The following PAX9 variants were observed in gnomAD, a reference collection of about 807,000 sequenced individuals.
PAX9 encodes the protein paired box 9, also known as paired box protein Pax-9.
Under a neutral mutation model 29.1 loss-of-function variants are expected in PAX9, and 6 were observed. The ratio of observed to expected loss-of-function variants is 0.21; its 90% CI spans 0.11 to 0.41. PAX9 has a LOEUF of 0.41. Among genes scored for constraint, PAX9 ranks in the 10% least tolerant of loss-of-function variants. The pLI is 1.00. For synonymous variants in PAX9, 217 were observed against 211.7 expected, an observed-to-expected ratio of 1.03 and a Z score of -0.22; for missense variants, 443 against 479.1, an observed-to-expected ratio of 0.92 and a Z score of 0.70.
At chr14:36,665,849 A>C (rs1881467852) in intron 2 of PAX9, 1 of 153,160 alleles carries the variant, frequency 6.5e-6, no homozygotes, top group African/African-American at 2.4e-5. Flanking sequence ...GGGGAGCCCT[A>C]TGCACACACA....
In PAX9 at chr14:36,663,262, A is replaced by G. The variant is rs768500570; in HGVS notation, c.370A>G (p.Ser124Gly). 6.2e-7 allele frequency: 1 copy of G among 1,614,138 alleles called. No homozygotes were observed. The highest frequency in any genetic ancestry group is 1.1e-5 in the South Asian group (1 of 91,084). Reference protein sequence around the residue: ...KYNVPSVSSISRILRNKIGNL... With the variant: ...KYNVPSVSSIGRILRNKIGNL... The stretch of plus-strand genomic sequence containing the variant: ...CAATGTGCCCTCCGTGAGCTCCATC[A>G]GCCGCATTCTGCGCAACAAGATCGG... Residue 124 changes from serine (S) to glycine (G), a missense_variant, in exon 2 of 4, where the codon AGC (serine) becomes GGC (glycine). By Grantham distance (56) the Ser-to-Gly change is moderately conservative. Coordinates refer to ENST00000361487, the MANE Select transcript of PAX9 (RefSeq NM_001372076.1).
In PAX9 at chr14:36,676,511, C is replaced by A. The variant is rs547367884; in HGVS notation, c.*59C>A. On this transcript the variant is annotated 3_prime_UTR_variant, in exon 4 of 4. Transcript: ENST00000361487. ...TCTCCCTGTCTCAGCACCTCCTCCC[C>A]CAATTCCCAGGTCTCACATCCCACC... 6.9e-6 allele frequency: 11 copies of A among 1,593,954 alleles called. No homozygotes were observed. Among genetic ancestry groups the A allele is most frequent in the South Asian group, 1.1e-5 (1 of 90,100 alleles).
chr14:36,674,511 A>G (rs948007904), intron 3 of PAX9, among the ~76,000 whole-genome samples: 2 of 152,230 alleles, frequency 1.3e-5, no homozygotes, highest in Admixed American at 1.3e-4. Flanking sequence ...TATGTGCGGT[A>G]GTTTCTTGAT....
chr14:36,663,420 A>G lies in PAX9; in HGVS notation c.528A>G (p.Pro176=). 1 of 1,612,756 alleles carries G rather than the reference A, an allele frequency of 6.2e-7. No individual in the cohort carries two copies. Among genetic ancestry groups the G allele is most frequent in the Non-Finnish European group, 8.5e-7 (1 of 1,179,680 alleles). ...ITAAAAKVPT[P]PGVPAIPGSV... ...CGGCGGCCGCCAAGGTGCCCACGCC[A>G]CCCGGGGTGCCTGCCATCCCCGGTT... Residue 176 remains proline (P), a synonymous_variant, in exon 2 of 4, where the codon CCA becomes CCG. Transcript: ENST00000361487.
At chr14:36,661,824 C>T, upstream of PAX9, 1 of 559,888 alleles carries the variant, frequency 1.8e-6, no homozygotes, top group East Asian at 3.2e-5. Flanking sequence ...GGGCGTGTCC[C>T]CAGTGAGTGA....
chr14:36,659,640 C>G (rs1330803276), upstream of PAX9, among the ~76,000 whole-genome samples: 1 of 152,224 alleles, frequency 6.6e-6, no homozygotes, highest in Non-Finnish European at 1.5e-5. Flanking sequence ...AGGCCCCCTG[C>G]CCACTGAGTT....
chr14:36,673,678 A>G (rs951183285), intron 3 of PAX9, among the ~76,000 whole-genome samples: 7 of 152,328 alleles, frequency 4.6e-5, no homozygotes, highest in African/African-American at 1.7e-4. Flanking sequence ...AGAGAACTGT[A>G]ATTTTGAATG....
chr14:36,678,583 T>G lies in PAX9; in HGVS notation c.*2131T>G. ...ACCATACCATACAGGGACTCTCCTG[T>G]CATCTGAAAAACTGATGTAAGGTAC... is the stretch of plus-strand genomic sequence containing the variant. On this transcript the variant is annotated 3_prime_UTR_variant, in exon 4 of 4. Transcript: ENST00000361487. 1 of 1,515,602 alleles carries G rather than the reference T, an allele frequency of 6.6e-7. No individual in the cohort carries two copies. Among genetic ancestry groups the G allele is most frequent in the Non-Finnish European group, 8.8e-7 (1 of 1,136,876 alleles). The allele number at this position is 1,515,602 out of a possible 1,614,324, so 93.9% of individuals were successfully genotyped here. A position where few individuals can be genotyped will look rare whatever the true frequency, so the allele number is the denominator to read the frequency against.
At chr14:36,662,697 A>G in intron 1 of PAX9, 200 bp from the exon 2 acceptor site, 1 of 636,460 alleles carries the variant, frequency 1.6e-6, no homozygotes, top group Non-Finnish European at 2.7e-6. Flanking sequence ...GGCAGGAATG[A>G]GGGAGGGGGT....
chr14:36,663,667 G>C, intron 2 of PAX9, 144 bp downstream of exon 2: 2 of 1,043,158 alleles, frequency 1.9e-6, no homozygotes, highest in Non-Finnish European at 2.8e-6. Context: ...GTCTTCCTAG[G>C]GGGTGTTCTG....
rs776619661 is a variant in PAX9 at position 36,663,117 on chromosome 14, G to A, written c.225G>A (p.Lys75=). 2 of 1,613,986 alleles carry A rather than the reference G, an allele frequency of 1.2e-6. No individual in the cohort carries two copies. The highest frequency in any genetic ancestry group is 2.2e-5 in the South Asian group (2 of 91,084). ...SILPGAIGGS[K]PRVTTPTVVK... is the part of the protein sequence containing the mutation. ...TGCCAGGAGCCATCGGGGGCAGCAA[G>A]CCCCGGGTCACTACCCCCACCGTGG... Residue 75 remains lysine (K), a synonymous_variant, in exon 2 of 4, where the codon AAG becomes AAA. Transcript: ENST00000361487.
At chr14:36,664,247 G>C (rs1481896054) in intron 2 of PAX9, among the ~76,000 whole-genome samples, 2 of 152,120 alleles carry the variant, frequency 1.3e-5, no homozygotes, top group Non-Finnish European at 2.9e-5. Context: ...TATATCTTAG[G>C]AAGGGAAGTG....
At position 36,678,378 on chromosome 14, in the gene PAX9, G is replaced by C. The variant is rs1882008292; in HGVS notation, c.*1926G>C. ...ACCGAAATTCAGTGCTACAAATAGAGGATTATAACTTCAGGAGAAGAATAA... is the reference window on the plus strand; with the variant it reads ...ACCGAAATTCAGTGCTACAAATAGACGATTATAACTTCAGGAGAAGAATAA... On this transcript the variant is annotated 3_prime_UTR_variant, in exon 4 of 4. Transcript: ENST00000361487. 1.0e-6 allele frequency: 1 copy of C among 985,668 alleles called. No homozygotes were observed. The highest frequency in any genetic ancestry group is 1.6e-5 in the African/African-American group (1 of 61,830). The allele number at this position is 985,668 out of a possible 1,614,324, so 61.1% of individuals were successfully genotyped here.
chr14:36,676,716 T>C lies in PAX9; in HGVS notation c.*264T>C. The C allele has an allele frequency of 2.0e-6, 1 of 512,770 alleles. No individual in the cohort carries two copies. The highest frequency in any genetic ancestry group is 3.5e-6 in the Non-Finnish European group (1 of 282,640). The allele number at this position is 512,770 out of a possible 1,614,324, so 31.8% of individuals were successfully genotyped here. A position where few individuals can be genotyped will look rare whatever the true frequency, so the allele number is the denominator to read the frequency against. Reference sequence around the variant, plus strand: ...GAATGAGACATTTGTGTTGCCCACATACTGTCTTAACATAACAAAGAAACC... The same window carrying C: ...GAATGAGACATTTGTGTTGCCCACACACTGTCTTAACATAACAAAGAAACC... On this transcript the variant is annotated 3_prime_UTR_variant, in exon 4 of 4. Coordinates refer to ENST00000361487, the MANE Select transcript of PAX9 (RefSeq NM_001372076.1).
intron 3 of PAX9, 106 bp downstream of exon 3, chr14:36,666,707 A>G: frequency 1.4e-6 from 2 of 1,400,782 alleles, no homozygotes; most frequent in East Asian, 5.0e-5. Context: ...AGAGAAGCCC[A>G]GGCTGGCGTC....
chr14:36,668,853 A>G (rs976618014), intron 3 of PAX9, among the ~76,000 whole-genome samples: 1 of 152,160 alleles, frequency 6.6e-6, no homozygotes, highest in Non-Finnish European at 1.5e-5. Context: ...ATTACATTTT[A>G]TATACTAAAT....
Position 36,672,747 on chromosome 14 carries a change from GCTATTTTTATAC to G in PAX9, c.772-3450_772-3439del, listed in dbSNP as rs1226450951. ...AATTTAACCTGAGAGAAAACTAAGG[GCTATTTTTATAC>G]TGTTTAAGTTTAAAGATTTATGTTT... On this transcript the variant is annotated intron_variant, in intron 3 of 3. Transcript: ENST00000361487. Among the ~76,000 whole-genome samples, 3 of 147,704 alleles carry G rather than the reference GCTATTTTTATAC, an allele frequency of 2.0e-5. No homozygotes were observed. In the East Asian group the frequency reaches 5.9e-4, roughly 29 times the overall value.
Position 36,663,527 on chromosome 14 carries a change from G to A in PAX9, c.631+4G>A, listed in dbSNP as rs1244697877. On this transcript the variant is annotated splice_donor_region_variant and intron_variant, in intron 2 of 3. Transcript: ENST00000361487. ...ATCCGCTCCATCACCGACCAAGGTA[G>A]GGGCTCAGAGGCTGGGCGTGTGGAT... 6.2e-7 allele frequency: 1 copy of A among 1,612,720 alleles called. No homozygotes were observed. The highest frequency in any genetic ancestry group is 1.7e-5 in the Admixed American group (1 of 60,022).
At chr14:36,662,559 G>A in intron 1 of PAX9, 1 of 453,580 alleles carries the variant, frequency 2.2e-6, no homozygotes, top group Non-Finnish European at 3.9e-6. Context: ...GGACTTTAGT[G>A]AGGAGCAGGC....
Sources: gnomAD v4.1 joint callset for allele counts (sites outside exome capture counted in the v4.1 genomes callset) on GRCh38, gnomAD v4.1.1 for gene constraint, MANE v1.5 for transcripts, NCBI Gene and HGNC (gene_info 2026-07-23, HGNC 2026-07-21) for gene names.